EPS8: variants seen among roughly 807,000 people sequenced by gnomAD.
EPS8 encodes the protein EGFR pathway substrate 8, signaling adaptor, also known as epidermal growth factor receptor kinase substrate 8.
In EPS8, 42 loss-of-function variants were observed where a neutral mutation model predicts 103.8. That is an observed-to-expected ratio of 0.40 (90% CI 0.32 to 0.52). The LOEUF (loss-of-function observed/expected upper bound fraction) is 0.52, where lower values mean the gene tolerates loss of function less well. Among genes scored for constraint, EPS8 ranks in the 20% least tolerant of loss-of-function variants. The pLI is 0.40. For synonymous variants in EPS8, 344 were observed against 344.6 expected (o/e 1.00, Z 0.02); for missense variants, 969 against 1,005.1 (o/e 0.96, Z 0.49).
chr12:15,742,855 A>C (rs1244443690), intron 1 of EPS8, among the ~76,000 whole-genome samples: 2 of 152,318 alleles, frequency 1.3e-5, no homozygotes, highest in East Asian at 1.9e-4. Flanking sequence ...CTGGCACAAG[A>C]CAGGGATGCC....
At chr12:15,742,035 A>G (rs962178043) in intron 1 of EPS8, among the ~76,000 whole-genome samples, 3 of 152,228 alleles carry the variant, frequency 2.0e-5, no homozygotes, top group African/African-American at 7.2e-5. Flanking sequence ...CCTACAAAGG[A>G]CATGAACTCA....
chr12:15,750,352 AG>A (rs1185178884), intron 1 of EPS8, among the ~76,000 whole-genome samples: 1 of 152,220 alleles, frequency 6.6e-6, no homozygotes, highest in Admixed American at 6.5e-5. Flanking sequence ...TCCCATAAGC[AG>A]TCCAATCACT....
In EPS8 at chr12:15,660,921, C is replaced by T. The variant is rs117425652; in HGVS notation, c.811-181G>A. ...ACCTATAGCCATATTCTGACATTTA[C>T]ATTTTTCTTTAGCTTACTTTTGCTC... On this transcript the variant is annotated intron_variant, in intron 9 of 20. Transcript: ENST00000281172. Among the ~76,000 whole-genome samples, 953 of 152,272 alleles carry T rather than the reference C, an allele frequency of 6.3e-3. 4 individuals are homozygous for T. The highest frequency in any genetic ancestry group is 8.2e-3 in the Admixed American group (125 of 15,286).
rs947238304 is a variant in EPS8, at chr12:15,781,646, A to G, written c.-22+7515T>C. ...TTCTAACTTTAGTGCAACATTATAA[A>G]TATTTCTAATCCTGTCCTACTCTGT... is the stretch of plus-strand genomic sequence containing the variant. On this transcript the variant is annotated intron_variant, in intron 1 of 20. Coordinates refer to ENST00000281172, the MANE Select transcript of EPS8 (RefSeq NM_004447.6). This position sits in a 1 kb window ranked among gnomAD's most constrained non-coding sequence, Gnocchi z 4.1. 2.6e-4 allele frequency: 39 copies of G among 152,220 alleles called. No homozygotes were observed. Among genetic ancestry groups the G allele is most frequent in the African/African-American group, 9.4e-4 (39 of 41,438 alleles). The allele number at this position is 152,220 out of a possible 1,614,324, so 9.4% of individuals were successfully genotyped here.
At chr12:15,678,960 C>G (rs1945957917) in intron 3 of EPS8, among the ~76,000 whole-genome samples, 1 of 147,970 alleles carries the variant, frequency 6.8e-6, no homozygotes, top group Non-Finnish European at 1.5e-5. Flanking sequence ...TTCCTTGGAT[C>G]TAAGATTTTA....
At chr12:15,665,974 A>G (rs576526789) in intron 7 of EPS8, 82 bp from the exon 8 acceptor site, 2 of 1,397,460 alleles carry the variant, frequency 1.4e-6, no homozygotes, top group Non-Finnish European at 2.0e-6. Flanking sequence ...GGTACTAGTT[A>G]TTAAAATTCA....
chr12:15,689,956 T>G (rs1028747240), intron 1 of EPS8, among the ~76,000 whole-genome samples: 2 of 152,194 alleles, frequency 1.3e-5, no homozygotes, highest in African/African-American at 4.8e-5. Flanking sequence ...CAAATTTCAT[T>G]CTGGTGTATT....
At chr12:15,705,917 C>T (rs2135947433) in intron 1 of EPS8, among the ~76,000 whole-genome samples, 1 of 151,886 alleles carries the variant, frequency 6.6e-6, no homozygotes, top group South Asian at 2.1e-4. Flanking sequence ...AACTAAAGTT[C>T]ACTAAAGTTT....
chr12:15,649,191 T>C, intron 14 of EPS8, among the ~76,000 whole-genome samples: 1 of 152,200 alleles, frequency 6.6e-6, no homozygotes, highest in East Asian at 1.9e-4. Context: ...ATTCCTCTTT[T>C]AAAATTAATT....
rs1000709081 is a variant in EPS8 at position 15,725,754 on chromosome 12, T to C, written c.-21-42782A>G. 2.2e-4 allele frequency among the ~76,000 whole-genome samples: 34 copies of C among 152,278 alleles called. No homozygotes were observed. Among genetic ancestry groups the C allele is most frequent in the African/African-American group, 7.0e-4 (29 of 41,552 alleles). Reference sequence around the variant, plus strand: ...ACAAAAAGATGGAAAAATATGAATTTTAAAAATTTACAAGCTCTGTCAACA... The same window carrying C: ...ACAAAAAGATGGAAAAATATGAATTCTAAAAATTTACAAGCTCTGTCAACA... On this transcript the variant is annotated intron_variant, in intron 1 of 20. Transcript: ENST00000281172. This position sits in a 1 kb window ranked among gnomAD's most constrained non-coding sequence, Gnocchi z 4.5.
chr12:15,723,977 C>T (rs1275619455), intron 1 of EPS8, among the ~76,000 whole-genome samples: 1 of 152,148 alleles, frequency 6.6e-6, no homozygotes, highest in African/African-American at 2.4e-5. Flanking sequence ...TATATAGAGA[C>T]ATCTGTCATT....
At position 15,701,326 on chromosome 12, in the gene EPS8, G is replaced by A. The variant is rs1273225204; in HGVS notation, c.-21-18354C>T. ...CTAGTTTACAGATGAGGAAACTGGG[G>A]CACAGAAGTGCCTTGCTCAGTATCA... On this transcript the variant is annotated intron_variant, in intron 1 of 20. Coordinates refer to ENST00000281172, the MANE Select transcript of EPS8 (RefSeq NM_004447.6). The surrounding 1 kb of genome is among the most constrained non-coding windows in gnomAD (Gnocchi z 5.1). Among the ~76,000 whole-genome samples the A allele has an allele frequency of 2.6e-5, 4 of 152,194 alleles. No individual in the cohort carries two copies.
At chr12:15,677,547 C>T (rs1945930230) in intron 3 of EPS8, among the ~76,000 whole-genome samples, 1 of 152,198 alleles carries the variant, frequency 6.6e-6, no homozygotes. Flanking sequence ...CAAAGATGTT[C>T]ATGTACCACC....
intron 1 of EPS8, among the ~76,000 whole-genome samples, chr12:15,755,940 T>G (rs1946982172): frequency 6.6e-6 from 1 of 152,170 alleles, no homozygotes; most frequent in Non-Finnish European, 1.5e-5. Context: ...CAGAACTGAT[T>G]TGTATTTTGA....
intron 1 of EPS8, among the ~76,000 whole-genome samples, chr12:15,703,422 A>T (rs1946338252): frequency 1.3e-5 from 2 of 152,202 alleles, no homozygotes. Context: ...AGACAGTAAC[A>T]TCAGGTCTTG....
Position 15,701,262 on chromosome 12 carries a change from G to A in EPS8, c.-21-18290C>T, listed in dbSNP as rs1054253011. On this transcript the variant is annotated intron_variant, in intron 1 of 20. Transcript: ENST00000281172. This position sits in a 1 kb window ranked among gnomAD's most constrained non-coding sequence, Gnocchi z 5.1. ...GTTCTTTGCATGCATTAATTCAATT[G>A]ATAAGCATAACTCTAAAAGGCAGGT... 2.0e-5 allele frequency among the ~76,000 whole-genome samples: 3 copies of A among 152,256 alleles called. No homozygotes were observed.
rs753934021 is a variant in EPS8 at position 15,641,705 on chromosome 12, A to C, written c.1677+17T>G. 43 of 1,361,828 alleles carry C rather than the reference A, an allele frequency of 3.2e-5. No individual in the cohort carries two copies. The highest frequency in any genetic ancestry group is 4.0e-5 in the Non-Finnish European group (39 of 987,274). The allele number at this position is 1,361,828 out of a possible 1,614,324, so 84.4% of individuals were successfully genotyped here. A position where few individuals can be genotyped will look rare whatever the true frequency, so the allele number is the denominator to read the frequency against. Reference sequence around the variant, plus strand: ...AACTACTTTATTAAGAGTATAAAAAAGAAAAAATTATATTACCTCTAAAAT... The same window carrying C: ...AACTACTTTATTAAGAGTATAAAAACGAAAAAATTATATTACCTCTAAAAT... On this transcript the variant is annotated intron_variant, in intron 16 of 20. Transcript: ENST00000281172.
rs1947211044 is a variant in EPS8 at position 15,776,831 on chromosome 12, A to G, written c.-22+12330T>C. On this transcript the variant is annotated intron_variant, in intron 1 of 20. Coordinates refer to ENST00000281172, the MANE Select transcript of EPS8 (RefSeq NM_004447.6). This position sits in a 1 kb window ranked among gnomAD's most constrained non-coding sequence, Gnocchi z 4.2. ...AGATTCTACCACCACTTGTTTTCCC[A>G]ATCATTTTATCACTTTATCTATTAG... Among the ~76,000 whole-genome samples the G allele has an allele frequency of 2.0e-5, 3 of 152,180 alleles. No individual in the cohort carries two copies. The South Asian group carries it at 6.2e-4, about 31-fold the overall frequency.
rs904810286 is a variant in EPS8 at position 15,749,146 on chromosome 12, T to C, written c.-22+40015A>G. On this transcript the variant is annotated intron_variant, in intron 1 of 20. Coordinates refer to ENST00000281172, the MANE Select transcript of EPS8 (RefSeq NM_004447.6). The surrounding 1 kb of genome is among the most constrained non-coding windows in gnomAD (Gnocchi z 4.0). ...ATAAAATGTATTGATTACCTGACTA[T>C]TTAAGATTATGCCTTAGGCTCTCAC... Among the ~76,000 whole-genome samples the C allele has an allele frequency of 3.9e-5, 6 of 152,138 alleles. No individual in the cohort carries two copies. The highest frequency in any genetic ancestry group is 1.4e-4 in the African/African-American group (6 of 41,430).
Sources: gnomAD v4.1 joint callset for allele counts (sites outside exome capture counted in the v4.1 genomes callset) on GRCh38, gnomAD v4.1.1 for gene constraint, Gnocchi (gnomAD v3.1) non-coding constraint, MANE v1.5 for transcripts, NCBI Gene and HGNC (gene_info 2026-07-23, HGNC 2026-07-21) for gene names.